The following WDFY3 variants were observed in gnomAD, a reference collection of about 807,000 sequenced individuals.
WDFY3 encodes WD repeat and FYVE domain containing 3.
A neutral mutation model predicts 409.6 loss-of-function variants in WDFY3; 66 were observed. The observed-to-expected ratio is 0.16, with a 90% CI of 0.13 to 0.20. The LOEUF (loss-of-function observed/expected upper bound fraction) is 0.20. Among genes scored for constraint, WDFY3 ranks in the 10% least tolerant of loss-of-function variants. The pLI, the probability that WDFY3 is intolerant of heterozygous loss-of-function variation, is 1.00. For synonymous variants in WDFY3, 1,521 were observed against 1,537.1 expected (o/e 0.99, Z 0.25); for missense variants, 3,031 against 4,298.1 (o/e 0.71, Z 8.24).
At chr4:84,931,004 T>C (rs1409754093) in intron 2 of WDFY3, among the ~76,000 whole-genome samples, 1 of 152,202 alleles carries the variant, frequency 6.6e-6, no homozygotes, top group Non-Finnish European at 1.5e-5. Context: ...ATTGTTATAT[T>C]TTATTAGTAG....
intron 48 of WDFY3, among the ~76,000 whole-genome samples, chr4:84,717,562 G>A (rs994806824): frequency 2.0e-5 from 3 of 152,166 alleles, no homozygotes; most frequent in Non-Finnish European, 4.4e-5. Flanking sequence ...AGGAAGAGAA[G>A]CAGCCTGTTG....
chr4:84,803,480 A>C lies in WDFY3; in HGVS notation c.2430-13T>G. 1 of 1,596,080 alleles carries C rather than the reference A, an allele frequency of 6.3e-7. No individual in the cohort carries two copies. Among genetic ancestry groups the C allele is most frequent in the South Asian group, 1.1e-5 (1 of 87,716 alleles). Reference sequence around the variant, plus strand: ...ATGATATGCATGCCTATAAAAAAAGAAAGAGTAAATTTGGTATTGAATTCC... The same window carrying C: ...ATGATATGCATGCCTATAAAAAAAGCAAGAGTAAATTTGGTATTGAATTCC... On this transcript the variant is annotated splice_polypyrimidine_tract_variant and intron_variant, in intron 15 of 67. Coordinates refer to ENST00000295888, the MANE Select transcript of WDFY3 (RefSeq NM_014991.6).
At chr4:84,734,998 AC>A (rs1247634453) in intron 43 of WDFY3, 44 bp downstream of exon 43, 1 of 1,536,214 alleles carries the variant, frequency 6.5e-7, no homozygotes, top group African/African-American at 1.4e-5. Context: ...CCTTTCACAT[AC>A]AAAAAATGTA....
intron 14 of WDFY3, among the ~76,000 whole-genome samples, 161 bp from the exon 15 acceptor site, chr4:84,808,578 A>G (rs776303562): frequency 1.3e-5 from 2 of 152,232 alleles, no homozygotes; most frequent in African/African-American, 2.4e-5. Flanking sequence ...ACAAGCACTG[A>G]ATGAAACAGA....
chr4:84,858,716 C>G (rs1436328839), intron 4 of WDFY3, among the ~76,000 whole-genome samples: 6 of 145,218 alleles, frequency 4.1e-5, no homozygotes, highest in Non-Finnish European at 8.9e-5. Flanking sequence ...GATAGATGAA[C>G]AGAGAAAATA....
At chr4:84,885,804 G>A (rs1040175190) in intron 3 of WDFY3, among the ~76,000 whole-genome samples, 4 of 152,180 alleles carry the variant, frequency 2.6e-5, no homozygotes, top group African/African-American at 7.2e-5. Flanking sequence ...CACATGACTA[G>A]TGAGAAAATG....
At chr4:84,673,672 TAAG>T (rs1191267622) in intron 67 of WDFY3, among the ~76,000 whole-genome samples, 1 of 152,172 alleles carries the variant, frequency 6.6e-6, no homozygotes, top group African/African-American at 2.4e-5. Context: ...TCAAATTCTT[TAAG>T]AAGTATTCAG....
At chr4:84,689,309 T>C (rs944308429) in intron 61 of WDFY3, among the ~76,000 whole-genome samples, 3 of 152,262 alleles carry the variant, frequency 2.0e-5, no homozygotes, top group African/African-American at 7.2e-5. Flanking sequence ...CTTAAAATTT[T>C]GGTCATATAG....
At chr4:84,956,903 A>C (rs1209565460) in intron 1 of WDFY3, among the ~76,000 whole-genome samples, 2 of 152,022 alleles carry the variant, frequency 1.3e-5, no homozygotes, top group African/African-American at 2.4e-5. Context: ...CAAAACAATG[A>C]CATATTATTA....
intron 17 of WDFY3, among the ~76,000 whole-genome samples, chr4:84,800,490 T>C (rs747288421): frequency 6.6e-6 from 1 of 152,194 alleles, no homozygotes; most frequent in Non-Finnish European, 1.5e-5. Context: ...ACATCCATAC[T>C]GTGGAACATT....
intron 32 of WDFY3, among the ~76,000 whole-genome samples, chr4:84,762,703 T>A (rs1387305529): frequency 6.6e-6 from 1 of 152,202 alleles, no homozygotes; most frequent in Non-Finnish European, 1.5e-5. Context: ...AAATTATTGT[T>A]TTCTTTGCCC....
intron 17 of WDFY3, among the ~76,000 whole-genome samples, chr4:84,799,753 G>A (rs182848420): frequency 6.6e-6 from 1 of 152,082 alleles, no homozygotes; most frequent in African/African-American, 2.4e-5. Flanking sequence ...AGGCTTACAA[G>A]TTAGGTTTGC....
At chr4:84,716,643 A>C (rs1336016993) in intron 49 of WDFY3, among the ~76,000 whole-genome samples, 4 of 150,242 alleles carry the variant, frequency 2.7e-5, no homozygotes, top group African/African-American at 4.9e-5. Context: ...AAAAAAATAC[A>C]AAAAAATTAG....
At chr4:84,719,136 G>A (rs1298999767) in intron 47 of WDFY3, among the ~76,000 whole-genome samples, 1 of 152,174 alleles carries the variant, frequency 6.6e-6, no homozygotes, top group African/African-American at 2.4e-5. Flanking sequence ...ACATAATCAG[G>A]TTAGGAATTA....
At chr4:84,784,725 C>G (rs1747158767) in intron 24 of WDFY3, among the ~76,000 whole-genome samples, 14 of 151,114 alleles carry the variant, frequency 9.3e-5, no homozygotes, top group Admixed American at 9.2e-4. Context: ...ATAATCCCAG[C>G]TACTCAGGAG....
chr4:84,965,141 ATGTT>A lies in WDFY3; in HGVS notation c.-226+1064_-226+1067del, dbSNP rs944445940. Among the ~76,000 whole-genome samples, 29 of 152,262 alleles carry A rather than the reference ATGTT, an allele frequency of 1.9e-4. 1 individual carries two copies. The highest frequency in any genetic ancestry group is 1.7e-3 in the Admixed American group (26 of 15,290). On this transcript the variant is annotated intron_variant, in intron 1 of 67. Coordinates refer to ENST00000295888, the MANE Select transcript of WDFY3 (RefSeq NM_014991.6). Reference sequence around the variant, plus strand: ...CACATTTTTAGTTCTGTTTTATGTTATGTTTGTTACGTCGCCTGATAGTCGAAAC... The same window carrying A: ...CACATTTTTAGTTCTGTTTTATGTTATGTTACGTCGCCTGATAGTCGAAAC...
In WDFY3 at chr4:84,717,460, C is replaced by A. The variant is rs372255711; in HGVS notation, c.7755-444G>T. Reference sequence around the variant, plus strand: ...GACCCACGAAAGACTTCATGTGACCCTGATTGTTGTTGACAGTAATTATTT... The same window carrying A: ...GACCCACGAAAGACTTCATGTGACCATGATTGTTGTTGACAGTAATTATTT... On this transcript the variant is annotated intron_variant, in intron 48 of 67. Coordinates refer to ENST00000295888, the MANE Select transcript of WDFY3 (RefSeq NM_014991.6). Among the ~76,000 whole-genome samples, 3 of 152,222 alleles carry A rather than the reference C, an allele frequency of 2.0e-5. No homozygotes were observed. The East Asian group carries it at 5.8e-4, about 29-fold the overall frequency.
intron 2 of WDFY3, among the ~76,000 whole-genome samples, chr4:84,917,204 TA>T (rs1768621433): frequency 6.6e-6 from 1 of 152,146 alleles, no homozygotes; most frequent in East Asian, 1.9e-4. Flanking sequence ...CTTTTTTCTA[TA>T]AACTTCAGTT....
rs1237420562 is a variant in WDFY3 at position 84,740,225 on chromosome 4, G to A, written c.6426C>T (p.Ser2142=). The A allele has an allele frequency of 2.5e-6, 4 of 1,614,094 alleles. No homozygotes were observed. The Admixed American group carries it at 6.7e-5, about 27-fold the overall frequency. The stretch of plus-strand genomic sequence containing the variant: ...GATTTATCAAGCAGTGGGCCAGACA[G>A]CTAATGAATTCTTGGTCATGGTTCC... ...GPGNHDQEFI[S]CLAHCLINLH... The change falls in exon 39 of 68, where the codon AGC becomes AGT. Residue 2142 remains serine, a synonymous_variant. Transcript: ENST00000295888.
Sources: allele counts gnomAD v4.1 joint callset (sites outside exome capture counted in the v4.1 genomes callset), GRCh38; gene constraint gnomAD v4.1.1; transcripts MANE v1.5; gene names NCBI Gene and HGNC (gene_info 2026-07-23, HGNC 2026-07-21).